DPYD: variants seen among roughly 807,000 people sequenced by gnomAD.
DPYD encodes the protein dihydropyrimidine dehydrogenase.
Under a neutral mutation model 116.2 loss-of-function variants are expected in DPYD, and 109 were observed. The observed-to-expected ratio is 0.94, with a 90% CI of 0.80 to 1.10. The LOEUF (loss-of-function observed/expected upper bound fraction) is 1.10. Among genes scored for constraint, DPYD ranks in the 50% least tolerant of loss-of-function variants. The probability of loss-of-function intolerance (pLI) is 0.00; values close to 1 mark genes in which losing one functional copy is unlikely to be tolerated. For missense variants in DPYD, 1,302 were observed against 1,254.5 expected (o/e 1.04, Z -0.57); for synonymous variants, 440 against 432.0 (o/e 1.02, Z -0.23).
intron 13 of DPYD, among the ~76,000 whole-genome samples, chr1:97,486,980 T>C (rs188110718): frequency 2.6e-4 from 39 of 152,096 alleles, no homozygotes; most frequent in Admixed American, 2.0e-3. Flanking sequence ...GCCATGCAAA[T>C]ATTAAAAATA....
intron 13 of DPYD, among the ~76,000 whole-genome samples, chr1:97,462,816 T>C (rs1470778398): frequency 2.0e-5 from 3 of 152,218 alleles, no homozygotes; most frequent in Non-Finnish European, 4.4e-5. Context: ...GTCTTTTCCC[T>C]GATCTAGGAG....
At chr1:97,874,554 A>C (rs1671812645) in intron 2 of DPYD, among the ~76,000 whole-genome samples, 1 of 151,944 alleles carries the variant, frequency 6.6e-6, no homozygotes, top group Non-Finnish European at 1.5e-5. Flanking sequence ...AATATATTTG[A>C]GAATCCTTAA....
chr1:97,512,451 G>A (rs556221913), intron 13 of DPYD, among the ~76,000 whole-genome samples: 132 of 151,762 alleles, frequency 8.7e-4, no homozygotes, highest in Non-Finnish European at 1.7e-3. Context: ...ATTTGATTTA[G>A]GATAGAAATA....
At chr1:97,285,393 T>C (rs1043024342) in intron 18 of DPYD, among the ~76,000 whole-genome samples, 3 of 152,178 alleles carry the variant, frequency 2.0e-5, no homozygotes, top group African/African-American at 7.2e-5. Context: ...TGCCAAGTGC[T>C]TCATTTCTCT....
Position 97,836,652 on chromosome 1 carries a change from A to C in DPYD, c.151-8456T>G, listed in dbSNP as rs138407837. ...CCTCAATTCTCTGATTGGAAAAAAA[A>C]ACCTTGAGATCACAATGGAGTGGGT... On this transcript the variant is annotated intron_variant, in intron 2 of 22. Coordinates refer to ENST00000370192, the MANE Select transcript of DPYD (RefSeq NM_000110.4). Among the ~76,000 whole-genome samples, 608 of 152,228 alleles carry C rather than the reference A, an allele frequency of 4.0e-3. 5 individuals are homozygous for C. Among genetic ancestry groups the C allele is most frequent in the African/African-American group, 0.014 (583 of 41,564 alleles).
chr1:97,356,330 A>G (rs1195057073), intron 16 of DPYD, among the ~76,000 whole-genome samples: 1 of 152,132 alleles, frequency 6.6e-6, no homozygotes, highest in African/African-American at 2.4e-5. Flanking sequence ...TTTGATATTA[A>G]CCCCTTATCA....
chr1:97,820,792 G>A (rs186348561), intron 3 of DPYD, among the ~76,000 whole-genome samples: 1 of 152,172 alleles, frequency 6.6e-6, no homozygotes, highest in Non-Finnish European at 1.5e-5. Flanking sequence ...ATAAAACAAT[G>A]CCTAATGGCA....
chr1:97,638,391 G>A (rs1657690382), intron 8 of DPYD, among the ~76,000 whole-genome samples: 2 of 152,058 alleles, frequency 1.3e-5, no homozygotes, highest in African/African-American at 2.4e-5. Context: ...GGGTACTTGT[G>A]GCAAATCATT....
intron 1 of DPYD, among the ~76,000 whole-genome samples, chr1:97,917,871 G>A (rs1014470268): frequency 1.3e-5 from 2 of 152,162 alleles, no homozygotes; most frequent in African/African-American, 4.8e-5. Context: ...GAACAAAAGA[G>A]TACTGTTTCA....
intron 11 of DPYD, among the ~76,000 whole-genome samples, chr1:97,550,031 G>A (rs564845767): frequency 6.6e-6 from 1 of 152,192 alleles, no homozygotes; most frequent in African/African-American, 2.4e-5. Context: ...CTATAAAGAA[G>A]GAAAGTACAA....
At chr1:97,474,948 A>T (rs1677870608) in intron 13 of DPYD, among the ~76,000 whole-genome samples, 3 of 152,106 alleles carry the variant, frequency 2.0e-5, no homozygotes, top group Middle Eastern at 3.2e-3. Context: ...GAAAGTTGCT[A>T]GAAAAGTTAA....
intron 2 of DPYD, among the ~76,000 whole-genome samples, chr1:97,860,149 T>G (rs1671048097): frequency 6.6e-6 from 1 of 151,984 alleles, no homozygotes; most frequent in Non-Finnish European, 1.5e-5. Flanking sequence ...TTGAGAACAG[T>G]CTGGGCAGCA....
At chr1:97,134,851 T>C (rs190587333) in intron 20 of DPYD, among the ~76,000 whole-genome samples, 26 of 152,254 alleles carry the variant, frequency 1.7e-4, no homozygotes, top group African/African-American at 6.0e-4. Context: ...TAACCTCCTC[T>C]CAGTGAAACC....
chr1:97,706,363 C>A (rs1661955453), intron 5 of DPYD, among the ~76,000 whole-genome samples: 1 of 151,980 alleles, frequency 6.6e-6, no homozygotes, highest in Non-Finnish European at 1.5e-5. Flanking sequence ...CTATTATCAA[C>A]ATCCTCTCCA....
chr1:97,272,117 C>T (rs1002630093), intron 18 of DPYD, among the ~76,000 whole-genome samples: 1 of 152,144 alleles, frequency 6.6e-6, no homozygotes, highest in Admixed American at 6.6e-5. Context: ...TCAGCCAAGT[C>T]CTAGGAAAAT....
At chr1:97,809,320 C>T (rs576564560) in intron 3 of DPYD, among the ~76,000 whole-genome samples, 11 of 152,264 alleles carry the variant, frequency 7.2e-5, no homozygotes, top group South Asian at 2.1e-4. Context: ...CACACAGACA[C>T]GTGATTCATG....
chr1:97,216,271 G>T (rs1018803499), intron 19 of DPYD, among the ~76,000 whole-genome samples: 1 of 137,152 alleles, frequency 7.3e-6, no homozygotes, highest in African/African-American at 2.9e-5. Flanking sequence ...TACATAGTTT[G>T]AGAGAGCCAA....
At chr1:97,896,193 T>A (rs1673060720) in intron 1 of DPYD, among the ~76,000 whole-genome samples, 1 of 151,810 alleles carries the variant, frequency 6.6e-6, no homozygotes. Flanking sequence ...CATTGAACTA[T>A]ATCAATCAAA....
At chr1:97,082,594 T>G in intron 21 of DPYD, 124 bp from the exon 22 acceptor site, 1 of 1,156,940 alleles carries the variant, frequency 8.6e-7, no homozygotes, top group South Asian at 1.3e-5. Flanking sequence ...GGAGACTGGA[T>G]AGTATAATTC....
Sources: gnomAD v4.1 joint callset for allele counts (sites outside exome capture counted in the v4.1 genomes callset) on GRCh38, gnomAD v4.1.1 for gene constraint, MANE v1.5 for transcripts, NCBI Gene and HGNC (gene_info 2026-07-23, HGNC 2026-07-21) for gene names.